The following ABHD17C variants were observed in gnomAD, a reference collection of about 807,000 sequenced individuals.
ABHD17C encodes abhydrolase domain containing 17C, depalmitoylase.
Under a neutral mutation model 27.9 loss-of-function variants are expected in ABHD17C, and 11 were observed. That is an observed-to-expected ratio of 0.39 (90% confidence interval 0.25 to 0.65). ABHD17C has a LOEUF of 0.65. ABHD17C is among the 30% of genes least tolerant of loss of function. The pLI, the probability that ABHD17C is intolerant of heterozygous loss-of-function variation, is 0.45. For missense variants in ABHD17C, 280 were observed against 470.2 expected (o/e 0.60, Z 3.74); for synonymous variants, 233 against 209.1 (o/e 1.11, Z -0.98).
intron 1 of ABHD17C, among the ~76,000 whole-genome samples, chr15:80,726,024 C>T (rs1596067054): frequency 1.3e-5 from 2 of 152,202 alleles, no homozygotes; most frequent in East Asian, 3.8e-4. Context: ...TTATTAACAG[C>T]AAACCAGTCA....
chr15:80,707,726 T>C (rs1894667893), intron 1 of ABHD17C, among the ~76,000 whole-genome samples: 1 of 151,976 alleles, frequency 6.6e-6, no homozygotes, highest in Non-Finnish European at 1.5e-5. Flanking sequence ...CTTCATGCTG[T>C]GGTTTGGGAG....
At chr15:80,700,285 G>A (rs558094830) in intron 1 of ABHD17C, among the ~76,000 whole-genome samples, 6 of 152,326 alleles carry the variant, frequency 3.9e-5, no homozygotes, top group African/African-American at 1.4e-4. Context: ...AGAATGAGGT[G>A]TAAAGGAGGC....
At chr15:80,733,984 TTTATTTA>T (rs948083652) in intron 1 of ABHD17C, among the ~76,000 whole-genome samples, 67 of 151,074 alleles carry the variant, frequency 4.4e-4, no homozygotes, top group East Asian at 1.7e-3. Context: ...TATTTATTTA[TTTATTTA>T]TTTATTTTTT....
At chr15:80,737,580 G>A (rs181804799) in intron 1 of ABHD17C, among the ~76,000 whole-genome samples, 42 of 152,272 alleles carry the variant, frequency 2.8e-4, no homozygotes, top group Admixed American at 1.2e-3. Context: ...AGCTTACATC[G>A]TCATTGTAAG....
chr15:80,700,774 G>A (rs2141488602), intron 1 of ABHD17C, among the ~76,000 whole-genome samples: 1 of 152,158 alleles, frequency 6.6e-6, no homozygotes, highest in South Asian at 2.1e-4. Context: ...GGTGGTGTGT[G>A]CCTGTAGTTC....
chr15:80,731,707 C>T (rs1199358327), intron 1 of ABHD17C, among the ~76,000 whole-genome samples: 1 of 151,236 alleles, frequency 6.6e-6, no homozygotes, highest in East Asian at 1.9e-4. Flanking sequence ...AGAGATTTTA[C>T]AATAAAAGAC....
At chr15:80,707,807 G>A (rs549225853) in intron 1 of ABHD17C, among the ~76,000 whole-genome samples, 7 of 152,236 alleles carry the variant, frequency 4.6e-5, no homozygotes, top group East Asian at 1.9e-4. Flanking sequence ...TCAAAGTACT[G>A]TATTTGGGGA....
At chr15:80,739,936 T>C (rs1895185764) in intron 1 of ABHD17C, among the ~76,000 whole-genome samples, 1 of 152,212 alleles carries the variant, frequency 6.6e-6, no homozygotes, top group Admixed American at 6.5e-5. Context: ...CACACATCTA[T>C]TCTGCAGATG....
intron 1 of ABHD17C, among the ~76,000 whole-genome samples, chr15:80,735,889 GCA>G (rs1481424229): frequency 6.6e-6 from 1 of 152,104 alleles, no homozygotes; most frequent in Non-Finnish European, 1.5e-5. Context: ...TAACTCAAGA[GCA>G]CATGGTTTAC....
chr15:80,719,151 G>C (rs931534402), intron 1 of ABHD17C, among the ~76,000 whole-genome samples: 3 of 152,154 alleles, frequency 2.0e-5, no homozygotes, highest in African/African-American at 7.2e-5. Flanking sequence ...AATGTAACGA[G>C]TCAAACAGAA....
At chr15:80,721,330 C>T (rs550446462) in intron 1 of ABHD17C, among the ~76,000 whole-genome samples, 5 of 151,926 alleles carry the variant, frequency 3.3e-5, no homozygotes, top group Non-Finnish European at 7.4e-5. Flanking sequence ...TATGCTGGTC[C>T]CATACCTGTC....
At chr15:80,697,313 G>A (rs1177497147) in intron 1 of ABHD17C, among the ~76,000 whole-genome samples, 1 of 152,228 alleles carries the variant, frequency 6.6e-6, no homozygotes, top group African/African-American at 2.4e-5. Flanking sequence ...TTGGGTCAGA[G>A]TCTGTAAGTA....
At chr15:80,741,571 G>A (rs879572617) in intron 1 of ABHD17C, among the ~76,000 whole-genome samples, 8 of 152,066 alleles carry the variant, frequency 5.3e-5, no homozygotes, top group Non-Finnish European at 8.8e-5. Flanking sequence ...TTCAGCAGCA[G>A]TTGTCTCTTT....
At chr15:80,707,561 A>AC (rs1894664428) in intron 1 of ABHD17C, among the ~76,000 whole-genome samples, 1 of 147,252 alleles carries the variant, frequency 6.8e-6, no homozygotes, top group South Asian at 2.1e-4. Flanking sequence ...ATAGCTGATG[A>AC]GCCCCCCCTC....
chr15:80,724,029 C>G (rs566611491), intron 1 of ABHD17C, among the ~76,000 whole-genome samples: 14 of 152,026 alleles, frequency 9.2e-5, no homozygotes, highest in South Asian at 8.3e-4. Flanking sequence ...ATGGTGAAAC[C>G]CTGTCTCTAC....
At chr15:80,713,032 T>A (rs1894747924) in intron 1 of ABHD17C, among the ~76,000 whole-genome samples, 1 of 152,106 alleles carries the variant, frequency 6.6e-6, no homozygotes, top group African/African-American at 2.4e-5. Flanking sequence ...TCTTACAGCA[T>A]CTACAGTTCC....
intron 1 of ABHD17C, among the ~76,000 whole-genome samples, chr15:80,714,225 G>A (rs1412209373): frequency 6.6e-6 from 1 of 152,230 alleles, no homozygotes; most frequent in Non-Finnish European, 1.5e-5. Context: ...CAAAGTGCTA[G>A]GATTACAGGC....
chr15:80,720,049 C>T (rs571037117), intron 1 of ABHD17C, among the ~76,000 whole-genome samples: 36 of 152,342 alleles, frequency 2.4e-4, no homozygotes, highest in Non-Finnish European at 3.8e-4. Context: ...GCCCTCCCAC[C>T]TTAGCCTCCC....
intron 1 of ABHD17C, chr15:80,704,575 AAAAG>A (rs1283473956): frequency 2.1e-5 from 3 of 146,092 alleles, no homozygotes; most frequent in Middle Eastern, 3.3e-3. Flanking sequence ...AAAAAAAAAG[AAAAG>A]AAAAGAAATG....
Sources: allele counts gnomAD v4.1 joint callset (sites outside exome capture counted in the v4.1 genomes callset), GRCh38; gene constraint gnomAD v4.1.1; transcripts MANE v1.5; gene names NCBI Gene and HGNC (gene_info 2026-07-23, HGNC 2026-07-21).